The following PHLPP1 variants were observed in gnomAD, a reference collection of about 807,000 sequenced individuals.
PHLPP1 encodes the protein PH domain leucine-rich repeat-containing protein phosphatase 1.
A neutral mutation model predicts 117.2 loss-of-function variants in PHLPP1; 42 were observed. The observed-to-expected ratio is 0.36, with a 90% CI of 0.28 to 0.46. The LOEUF is 0.46. Ranked by LOEUF, PHLPP1 falls within the 20% of genes least tolerant of loss-of-function variation. The pLI is 1.00. For missense variants in PHLPP1, 2,084 were observed against 2,241.9 expected, an observed-to-expected ratio of 0.93 and a Z score of 1.42; for synonymous variants, 1,042 against 970.7, an observed-to-expected ratio of 1.07 and a Z score of -1.37.
chr18:62,885,251 T>G (rs1196596008), intron 4 of PHLPP1, among the ~76,000 whole-genome samples: 1 of 152,238 alleles, frequency 6.6e-6, no homozygotes, highest in African/African-American at 2.4e-5. Context: ...TTGTTTTCTT[T>G]CCTGCCCTTG....
intron 8 of PHLPP1, 67 bp from the exon 9 acceptor site, chr18:62,914,846 T>A: frequency 9.6e-7 from 1 of 1,040,860 alleles, no homozygotes; most frequent in South Asian, 1.4e-5. Context: ...TTCTTTGTAA[T>A]CAATTTGAGT....
intron 1 of PHLPP1, among the ~76,000 whole-genome samples, chr18:62,799,950 A>G (rs1913728734): frequency 6.6e-6 from 1 of 152,182 alleles, no homozygotes; most frequent in African/African-American, 2.4e-5. Flanking sequence ...GGGAACTGCA[A>G]GGTTTAGTGT....
chr18:62,953,121 A>G (rs879262296), intron 12 of PHLPP1, among the ~76,000 whole-genome samples: 8 of 152,250 alleles, frequency 5.3e-5, no homozygotes, highest in Non-Finnish European at 8.8e-5. Context: ...AAAGTTGTAT[A>G]TTGAGAAATA....
intron 1 of PHLPP1, among the ~76,000 whole-genome samples, chr18:62,719,108 T>G (rs1910843591): frequency 6.6e-6 from 1 of 152,232 alleles, no homozygotes; most frequent in Non-Finnish European, 1.5e-5. Context: ...ATTCTGCACT[T>G]ACTGCCTTGT....
intron 11 of PHLPP1, among the ~76,000 whole-genome samples, chr18:62,942,257 G>A (rs757377978): frequency 1.1e-4 from 16 of 152,088 alleles, no homozygotes; most frequent in African/African-American, 1.9e-4. Context: ...GTGGCAGTGC[G>A]TGCCTGTAGT....
intron 4 of PHLPP1, among the ~76,000 whole-genome samples, chr18:62,892,987 C>T (rs1200138918): frequency 5.3e-5 from 8 of 151,496 alleles, no homozygotes; most frequent in Admixed American, 2.0e-4. Context: ...GAATAAGAGG[C>T]TCTGTAATTC....
At chr18:62,856,413 C>T (rs946618537) in intron 3 of PHLPP1, among the ~76,000 whole-genome samples, 6 of 152,088 alleles carry the variant, frequency 3.9e-5, no homozygotes, top group African/African-American at 1.2e-4. Flanking sequence ...TCAAGTCCCT[C>T]GGACATGCCA....
At chr18:62,896,552 C>T (rs987249121) in intron 6 of PHLPP1, among the ~76,000 whole-genome samples, 2 of 152,112 alleles carry the variant, frequency 1.3e-5, no homozygotes, top group African/African-American at 2.4e-5. Flanking sequence ...GCCTCGGCCT[C>T]CCAAAGTGCT....
intron 1 of PHLPP1, among the ~76,000 whole-genome samples, chr18:62,797,946 C>A (rs1913673104): frequency 6.6e-6 from 1 of 152,090 alleles, no homozygotes; most frequent in Admixed American, 6.5e-5. Flanking sequence ...TTAAATATTT[C>A]CTGTTACATA....
chr18:62,875,650 C>G (rs918773865), intron 4 of PHLPP1, among the ~76,000 whole-genome samples: 1 of 151,820 alleles, frequency 6.6e-6, no homozygotes, highest in African/African-American at 2.4e-5. Context: ...TGCCTTTATT[C>G]ATTCAATTTT....
chr18:62,757,951 A>G (rs1156873849), intron 1 of PHLPP1, among the ~76,000 whole-genome samples: 1 of 152,172 alleles, frequency 6.6e-6, no homozygotes, highest in East Asian at 1.9e-4. Context: ...TTTGAAAGAA[A>G]TATGTTCAAT....
Position 62,725,325 on chromosome 18 carries a change from A to T in PHLPP1, c.1576+8066A>T, listed in dbSNP as rs528669257. Among the ~76,000 whole-genome samples, 29 of 151,526 alleles carry T rather than the reference A, an allele frequency of 1.9e-4. No homozygotes were observed. In the South Asian group the frequency reaches 6.1e-3, roughly 32 times the overall value. ...CAGTGAGCCAACATTGCACCACTGCATTCCCGTCTGGGTGGCAGAGCAAAA... is the reference window on the plus strand; with the variant it reads ...CAGTGAGCCAACATTGCACCACTGCTTTCCCGTCTGGGTGGCAGAGCAAAA... On this transcript the variant is annotated intron_variant, in intron 1 of 16. Transcript: ENST00000262719.
chr18:62,754,832 T>C (rs1911963233), intron 1 of PHLPP1, among the ~76,000 whole-genome samples: 1 of 152,170 alleles, frequency 6.6e-6, no homozygotes, highest in South Asian at 2.1e-4. Context: ...TAATAGAAAG[T>C]AGGAATTGCC....
intron 1 of PHLPP1, among the ~76,000 whole-genome samples, chr18:62,811,730 T>C (rs149474002): frequency 6.6e-6 from 1 of 152,282 alleles, no homozygotes; most frequent in East Asian, 1.9e-4. Context: ...GGAGGTTTTA[T>C]AATTTTTTAA....
chr18:62,717,210 G>A lies in PHLPP1; in HGVS notation c.1527G>A (p.Gln509=). 1 of 1,609,848 alleles carries A rather than the reference G, an allele frequency of 6.2e-7. No homozygotes were observed. Among genetic ancestry groups the A allele is most frequent in the African/African-American group, 1.3e-5 (1 of 74,896 alleles). ...GATTTGGGGAGCTGTGGAGGGTGCA[G>A]GAGGAAGGCATGGACTCGGAGATTG... ...QLGFGELWRV[Q]EEGMDSEIGC... is the part of the protein sequence containing the mutation. Residue 509 remains glutamine (Q), a synonymous_variant, in exon 1 of 17, where the codon CAG becomes CAA. Transcript: ENST00000262719.
intron 1 of PHLPP1, among the ~76,000 whole-genome samples, chr18:62,768,269 C>G (rs1471493551): frequency 6.6e-6 from 1 of 152,056 alleles, no homozygotes; most frequent in East Asian, 1.9e-4. Context: ...ATATTGTCTC[C>G]CTTTTTTCAA....
chr18:62,823,486 C>A (rs1914524268), intron 1 of PHLPP1, among the ~76,000 whole-genome samples: 1 of 151,722 alleles, frequency 6.6e-6, no homozygotes, highest in Non-Finnish European at 1.5e-5. Context: ...GATCATTTGA[C>A]CCCAGAAGGT....
chr18:62,751,913 A>G (rs1466627960), intron 1 of PHLPP1, among the ~76,000 whole-genome samples: 1 of 152,156 alleles, frequency 6.6e-6, no homozygotes, highest in African/African-American at 2.4e-5. Flanking sequence ...AACAGAAAAT[A>G]TGTCTTCTTC....
chr18:62,746,642 G>A (rs1410983435), intron 1 of PHLPP1, among the ~76,000 whole-genome samples: 1 of 151,446 alleles, frequency 6.6e-6, no homozygotes, highest in African/African-American at 2.4e-5. Context: ...CTATCCACCA[G>A]CTTTGTTGAA....
Sources: gnomAD v4.1 joint callset for allele counts (sites outside exome capture counted in the v4.1 genomes callset) on GRCh38, gnomAD v4.1.1 for gene constraint, MANE v1.5 for transcripts, NCBI Gene and HGNC (gene_info 2026-07-23, HGNC 2026-07-21) for gene names.